The following NELL1 variants were observed in gnomAD, a reference collection of about 807,000 sequenced individuals.
The protein encoded by NELL1 is protein kinase C-binding protein NELL1.
NELL1 carries 76 observed loss-of-function variants against 107.4 expected under a neutral mutation model. The ratio of observed to expected loss-of-function variants is 0.71; its 90% CI spans 0.59 to 0.86. The LOEUF (loss-of-function observed/expected upper bound fraction) is 0.86, where lower values mean the gene tolerates loss of function less well. NELL1 is among the 40% of genes least tolerant of loss of function. NELL1 has a pLI of 0.00. For synonymous variants in NELL1, 353 were observed against 341.2 expected (o/e 1.03, Z -0.38); for missense variants, 1,024 against 1,005.5 (o/e 1.02, Z -0.25).
chr11:21,104,743 T>C (rs1363276295), intron 12 of NELL1, among the ~76,000 whole-genome samples: 1 of 152,240 alleles, frequency 6.6e-6, no homozygotes, highest in East Asian at 1.9e-4. Context: ...TAAAGTGTTA[T>C]GTTATCATTA....
intron 15 of NELL1, among the ~76,000 whole-genome samples, chr11:21,398,674 C>G (rs1312860412): frequency 6.6e-6 from 1 of 151,668 alleles, no homozygotes; most frequent in Non-Finnish European, 1.5e-5. Flanking sequence ...CAATGATCAG[C>G]TGGTCTTTAC....
At chr11:21,231,161 AAAAAT>A (rs1429132028) in intron 14 of NELL1, among the ~76,000 whole-genome samples, 1 of 152,156 alleles carries the variant, frequency 6.6e-6, no homozygotes, top group African/African-American at 2.4e-5. Context: ...ATTTTTGAGA[AAAAAT>A]AAAATAAATT....
intron 4 of NELL1, among the ~76,000 whole-genome samples, chr11:20,868,307 T>G (rs766352725): frequency 3.9e-5 from 6 of 152,154 alleles, no homozygotes; most frequent in Non-Finnish European, 7.3e-5. Flanking sequence ...TATTATAAGA[T>G]TTCATCTATA....
At chr11:21,398,621 G>A (rs1852031328) in intron 15 of NELL1, among the ~76,000 whole-genome samples, 1 of 151,706 alleles carries the variant, frequency 6.6e-6, no homozygotes, top group Admixed American at 6.6e-5. Context: ...AGGGCAGTTA[G>A]AAGGAGCACA....
At chr11:21,354,860 C>T (rs1850895977) in intron 14 of NELL1, among the ~76,000 whole-genome samples, 1 of 143,996 alleles carries the variant, frequency 6.9e-6, no homozygotes, top group African/African-American at 3.0e-5. Flanking sequence ...CTTTAAAAGT[C>T]TCTAGACTGT....
intron 15 of NELL1, among the ~76,000 whole-genome samples, chr11:21,403,491 T>C (rs1852147373): frequency 7.2e-6 from 1 of 138,392 alleles, no homozygotes. Context: ...GACCCTGTCT[T>C]TCATATCTGG....
chr11:21,432,549 G>A (rs73461264), intron 15 of NELL1, among the ~76,000 whole-genome samples: 13,681 of 152,022 alleles, frequency 0.09, 1,449 homozygotes, highest in African/African-American at 0.25. Flanking sequence ...CTGCAAAAAG[G>A]GATATTGTAC....
chr11:21,506,955 T>C (rs1009722610), intron 15 of NELL1, among the ~76,000 whole-genome samples: 3 of 152,190 alleles, frequency 2.0e-5, no homozygotes, highest in Non-Finnish European at 4.4e-5. Context: ...TATTACATCA[T>C]ATATTGGATG....
At chr11:21,219,619 T>A (rs1040058940) in intron 13 of NELL1, among the ~76,000 whole-genome samples, 3 of 152,200 alleles carry the variant, frequency 2.0e-5, no homozygotes, top group African/African-American at 4.8e-5. Flanking sequence ...GGTCTCACAT[T>A]TAAATATTTA....
intron 2 of NELL1, among the ~76,000 whole-genome samples, chr11:20,751,797 GGATTT>G (rs1283800236): frequency 3.3e-5 from 5 of 151,936 alleles, no homozygotes; most frequent in African/African-American, 1.2e-4. Flanking sequence ...GCTTTTTGTT[GGATTT>G]ATTTTTTAAT....
At chr11:20,705,432 T>C (rs1435201821) in intron 2 of NELL1, among the ~76,000 whole-genome samples, 1 of 151,900 alleles carries the variant, frequency 6.6e-6, no homozygotes, top group African/African-American at 2.4e-5. Context: ...CCCTATTTAA[T>C]AAATGGTGCT....
At chr11:21,466,711 A>T (rs190668006) in intron 15 of NELL1, among the ~76,000 whole-genome samples, 33 of 152,234 alleles carry the variant, frequency 2.2e-4, no homozygotes, top group Middle Eastern at 3.4e-3. Flanking sequence ...GGCTCCAATC[A>T]ACAGAGTTTG....
chr11:20,836,213 G>A (rs145146562), intron 3 of NELL1, among the ~76,000 whole-genome samples: 435 of 151,568 alleles, frequency 2.9e-3, no homozygotes, highest in African/African-American at 9.8e-3. Context: ...TTATCATTAG[G>A]GAAATGCTAA....
At chr11:21,266,861 C>A (rs1848646399) in intron 14 of NELL1, among the ~76,000 whole-genome samples, 1 of 151,996 alleles carries the variant, frequency 6.6e-6, no homozygotes, top group African/African-American at 2.4e-5. Flanking sequence ...CTCAAATTTA[C>A]CATTATAAGA....
intron 14 of NELL1, among the ~76,000 whole-genome samples, chr11:21,287,177 C>A (rs77180738): frequency 6.6e-6 from 1 of 152,272 alleles, no homozygotes; most frequent in East Asian, 1.9e-4. Context: ...TCTGCTGATT[C>A]ATCAAGTCTC....
intron 2 of NELL1, among the ~76,000 whole-genome samples, chr11:20,691,926 G>A (rs995717842): frequency 6.6e-6 from 1 of 152,044 alleles, no homozygotes; most frequent in South Asian, 2.1e-4. Context: ...GACTCTTTTT[G>A]GTTGGTAAGG....
At chr11:20,787,641 G>A (rs1446741103) in intron 3 of NELL1, among the ~76,000 whole-genome samples, 4 of 152,292 alleles carry the variant, frequency 2.6e-5, no homozygotes, top group South Asian at 4.1e-4. Flanking sequence ...TCTCCCTTAT[G>A]TGATTCTGAT....
At chr11:20,692,461 G>A (rs553127092) in intron 2 of NELL1, among the ~76,000 whole-genome samples, 63 of 151,728 alleles carry the variant, frequency 4.2e-4, no homozygotes, top group African/African-American at 1.5e-3. Context: ...CTTTGAATGT[G>A]TCCCAGAGAT....
At chr11:20,787,651 T>C (rs997281912) in intron 3 of NELL1, among the ~76,000 whole-genome samples, 1 of 152,214 alleles carries the variant, frequency 6.6e-6, no homozygotes, top group African/African-American at 2.4e-5. Context: ...GTGATTCTGA[T>C]TGTATTACTA....
Sources: gnomAD v4.1 joint callset for allele counts (sites outside exome capture counted in the v4.1 genomes callset) on GRCh38, gnomAD v4.1.1 for gene constraint, MANE v1.5 for transcripts, NCBI Gene and HGNC (gene_info 2026-07-23, HGNC 2026-07-21) for gene names.